The following ATM variants were observed in gnomAD, a reference collection of about 807,000 sequenced individuals.
ATM encodes serine-protein kinase ATM.
Under a neutral mutation model 387.0 loss-of-function variants are expected in ATM, and 308 were observed. The observed-to-expected ratio is 0.80, with a 90% confidence interval of 0.73 to 0.87. The LOEUF is 0.87. ATM is among the 40% of genes least tolerant of loss of function. ATM has a pLI of 0.00. For missense variants in ATM, 3,312 were observed against 3,560.9 expected, an observed-to-expected ratio of 0.93 and a Z score of 1.78; for synonymous variants, 1,156 against 1,187.3, an observed-to-expected ratio of 0.97 and a Z score of 0.54.
At chr11:108,253,260 T>A (rs1199144429) in intron 12 of ATM, among the ~76,000 whole-genome samples, 1 of 150,930 alleles carries the variant, frequency 6.6e-6, no homozygotes, top group Non-Finnish European at 1.5e-5. Flanking sequence ...ATTTGACTAT[T>A]TGTTAGCTTT....
intron 12 of ATM, 87 bp downstream of exon 12, chr11:108,252,999 T>C: frequency 8.4e-7 from 1 of 1,186,758 alleles, no homozygotes; most frequent in Non-Finnish European, 1.2e-6. Context: ...TAGCTGCATC[T>C]TAATAATTGT....
At chr11:108,236,051 G>C in intron 5 of ATM, 2 of 573,692 alleles carry the variant, frequency 3.5e-6, no homozygotes, top group African/African-American at 3.7e-5. Context: ...CCTGATATCA[G>C]AGCCGGAATT....
intron 16 of ATM, among the ~76,000 whole-genome samples, chr11:108,262,253 G>A (rs1025906631): frequency 1.3e-5 from 2 of 152,186 alleles, no homozygotes; most frequent in Non-Finnish European, 2.9e-5. Flanking sequence ...GTTACCCTGA[G>A]AGGGAAGCAC....
intron 6 of ATM, 53 bp from the exon 7 acceptor site, chr11:108,244,735 G>A: frequency 7.4e-7 from 1 of 1,352,418 alleles, no homozygotes; most frequent in Non-Finnish European, 1.1e-6. Context: ...TGTTCAGTTT[G>A]TACAGTTTGT....
intron 37 of ATM, among the ~76,000 whole-genome samples, chr11:108,306,769 CA>C (rs2083718838): frequency 1.3e-5 from 2 of 152,238 alleles, no homozygotes; most frequent in Admixed American, 1.3e-4. Flanking sequence ...ATGTGCATCT[CA>C]AACTCAGCTG....
At position 108,271,130 on chromosome 11, in the gene ATM, C is replaced by CTTCT. The variant is rs1412722811; in HGVS notation, c.2906_2909dup (p.Lys971SerfsTer14). ...CTTGCCAATGGAAGATGTTCTTGAACTTCTGAAACCACTATCGTAAGAAAT... is the reference window on the plus strand; with the variant it reads ...CTTGCCAATGGAAGATGTTCTTGAACTTCTTTCTGAAACCACTATCGTAAGAAAT... On this transcript the variant is annotated frameshift_variant, in exon 19 of 63. Coordinates refer to ENST00000675843, the MANE Select transcript of ATM (RefSeq NM_000051.4). LOFTEE classifies it high-confidence loss of function. 1 of 1,613,988 alleles carries CTTCT rather than the reference C, an allele frequency of 6.2e-7. No individual in the cohort carries two copies. Among genetic ancestry groups the CTTCT allele is most frequent in the South Asian group, 1.1e-5 (1 of 91,080 alleles).
In ATM at chr11:108,279,526, T is replaced by A. The variant is rs1060501711; in HGVS notation, c.3320T>A (p.Leu1107Ter). The A allele has an allele frequency of 6.2e-7, 1 of 1,613,444 alleles. No individual in the cohort carries two copies. The highest frequency in any genetic ancestry group is 8.5e-7 in the Non-Finnish European group (1 of 1,179,594). Residue 1107 changes from leucine to a stop codon, truncating the protein, a stop_gained, in exon 23 of 63, where the codon TTA becomes TAA. Coordinates refer to ENST00000675843, the MANE Select transcript of ATM (RefSeq NM_000051.4). LOFTEE classifies it high-confidence loss of function. ...FQDTKGDSSRLLKALPLKLQQ... is the reference protein window; with the variant it reads ...FQDTKGDSSR ...GACACGAAGGGAGATTCTTCCAGGT[T>A]ACTGAAAGCACTTCCTTTGAAGCTT... is the stretch of plus-strand genomic sequence containing the variant.
At chr11:108,357,208 C>T (rs1157285799) in intron 61 of ATM, among the ~76,000 whole-genome samples, 1 of 152,220 alleles carries the variant, frequency 6.6e-6, no homozygotes, top group Non-Finnish European at 1.5e-5. Context: ...AATCGGGTCA[C>T]TCCCACCCGA....
rs1565444811 is a variant in ATM, at chr11:108,282,791, G to T, written c.3658G>T (p.Glu1220Ter). 6.3e-7 allele frequency: 1 copy of T among 1,596,582 alleles called. No homozygotes were observed. Reference protein sequence around the residue: ...MASHLDYLVLEWLNLQDTEYN... With the variant: ...MASHLDYLVL The stretch of plus-strand genomic sequence containing the variant: ...ATCTCATTTAGATTATCTGGTTTTG[G>T]AATGGCTAAATCTTCAAGATACTGA... Residue 1220 changes from glutamate (E) to a stop codon, truncating the protein, a stop_gained, in exon 25 of 63, where the codon GAA becomes TAA. Transcript: ENST00000675843. LOFTEE classifies it high-confidence loss of function.
chr11:108,252,954 C>T (rs1486828968), intron 12 of ATM, 42 bp downstream of exon 12: 1 of 1,481,928 alleles, frequency 6.7e-7, no homozygotes, highest in African/African-American at 1.4e-5. Flanking sequence ...TAAGCTATAG[C>T]TTTAATTACA....
chr11:108,295,409 C>T (rs1168876341), intron 32 of ATM: 1 of 270,146 alleles, frequency 3.7e-6, no homozygotes, highest in Non-Finnish European at 7.1e-6. Flanking sequence ...TTACTATGAC[C>T]TTGAATTCCT....
intron 13 of ATM, among the ~76,000 whole-genome samples, chr11:108,254,605 G>A (rs1274245825): frequency 6.6e-6 from 1 of 152,132 alleles, no homozygotes; most frequent in Non-Finnish European, 1.5e-5. Context: ...TCATCCACAT[G>A]TGAAAATCCT....
chr11:108,356,689 C>T (rs556006496), intron 61 of ATM, among the ~76,000 whole-genome samples: 1 of 152,042 alleles, frequency 6.6e-6, no homozygotes, highest in Non-Finnish European at 1.5e-5. Context: ...GTACTTGTAT[C>T]CTACCTAACA....
At chr11:108,314,564 T>C (rs2136097770) in intron 40 of ATM, among the ~76,000 whole-genome samples, 2 of 152,250 alleles carry the variant, frequency 1.3e-5, no homozygotes, top group East Asian at 3.9e-4. Flanking sequence ...TCCTGTTGTC[T>C]AGGACCAGTC....
In ATM at chr11:108,354,926, T is replaced by G. The variant is rs956706278; in HGVS notation, c.8850+52T>G. On this transcript the variant is annotated intron_variant, in intron 61 of 62. Transcript: ENST00000675843. ...ATTTTTTTTCTTACCAGGTAGACTG[T>G]GTATCTCATCAGGAAGTCACTGATG... 2.7e-6 allele frequency: 4 copies of G among 1,469,108 alleles called. No homozygotes were observed. The African/African-American group carries it at 5.6e-5, about 20-fold the overall frequency. 91.0% of individuals were successfully genotyped at this position (1,469,108 alleles called of 1,614,324 possible). A position where few individuals can be genotyped will look rare whatever the true frequency, so the allele number is the denominator to read the frequency against.
At chr11:108,353,957 T>C in intron 60 of ATM, 77 bp downstream of exon 60, 2 of 1,407,118 alleles carry the variant, frequency 1.4e-6, no homozygotes, top group Non-Finnish European at 2.0e-6. Context: ...TCTTTGCACC[T>C]GTAATCCCAG....
chr11:108,247,818 AC>A (rs1341849095), intron 8 of ATM, among the ~76,000 whole-genome samples: 3 of 151,366 alleles, frequency 2.0e-5, no homozygotes, highest in Non-Finnish European at 4.4e-5. Context: ...CTAGTCTCAG[AC>A]TCCTGACCTT....
At chr11:108,332,186 G>GCAAA in intron 52 of ATM, 149 bp downstream of exon 52, 1 of 1,003,830 alleles carries the variant, frequency 1.0e-6, no homozygotes, top group Non-Finnish European at 1.4e-6. Context: ...CCAGCACTTT[G>GCAAA]GGAGGCTGAG....
intron 24 of ATM, 64 bp downstream of exon 24, chr11:108,281,232 T>C: frequency 1.3e-6 from 2 of 1,545,862 alleles, no homozygotes; most frequent in East Asian, 2.2e-5. Context: ...TTTAAAAAGT[T>C]AAAGCTAGAT....
Sources: gnomAD v4.1 joint callset for allele counts (sites outside exome capture counted in the v4.1 genomes callset) on GRCh38, gnomAD v4.1.1 for gene constraint, MANE v1.5 for transcripts, NCBI Gene and HGNC (gene_info 2026-07-23, HGNC 2026-07-21) for gene names.